The following PTPN13 variants were observed in gnomAD, a reference collection of about 807,000 sequenced individuals.
PTPN13 encodes the protein tyrosine-protein phosphatase non-receptor type 13.
A neutral mutation model predicts 284.0 loss-of-function variants in PTPN13; 191 were observed. That is an observed-to-expected ratio of 0.67 (90% CI 0.60 to 0.76). PTPN13 has a LOEUF of 0.76. Among genes scored for constraint, PTPN13 ranks in the 30% least tolerant of loss-of-function variants. PTPN13 has a pLI of 0.00. For missense variants in PTPN13, 2,797 were observed against 2,939.9 expected (o/e 0.95, Z 1.12); for synonymous variants, 986 against 1,022.3 (o/e 0.96, Z 0.68).
Position 86,732,239 on chromosome 4 carries a change from C to T in PTPN13, c.1609-161C>T, listed in dbSNP as rs1389416072. On this transcript the variant is annotated intron_variant, in intron 10 of 47. Coordinates refer to ENST00000411767, the MANE Select transcript of PTPN13 (RefSeq NM_080683.3). The stretch of plus-strand genomic sequence containing the variant: ...TCTGTTATTGGTAAATTCCAGTATA[C>T]CTCTTCATGAAAGCTTCAACGTTTG... Among the ~76,000 whole-genome samples, 3 of 152,248 alleles carry T rather than the reference C, an allele frequency of 2.0e-5. No individual in the cohort carries two copies. In the East Asian group the frequency reaches 5.8e-4, roughly 29 times the overall value.
At chr4:86,613,132 A>G (rs1332879903) in intron 1 of PTPN13, among the ~76,000 whole-genome samples, 3 of 152,052 alleles carry the variant, frequency 2.0e-5, no homozygotes, top group African/African-American at 7.2e-5. Context: ...ACTTTATAAG[A>G]CTCTTTAAAG....
chr4:86,614,435 T>TA (rs1343995503), intron 1 of PTPN13, among the ~76,000 whole-genome samples: 2 of 152,188 alleles, frequency 1.3e-5, no homozygotes, highest in Non-Finnish European at 2.9e-5. Context: ...ATCTTTTTTT[T>TA]ACTATAAAAA....
intron 3 of PTPN13, among the ~76,000 whole-genome samples, chr4:86,674,187 G>T (rs934947259): frequency 3.9e-5 from 6 of 152,152 alleles, no homozygotes; most frequent in Non-Finnish European, 5.9e-5. Flanking sequence ...CATATATATT[G>T]TGTTTTATAG....
chr4:86,716,603 C>G lies in PTPN13; in HGVS notation c.1269C>G (p.Ser423=). The change falls in exon 8 of 48, where the codon TCC becomes TCG. Residue 423 remains serine, a synonymous_variant. Transcript: ENST00000411767. The part of the protein sequence containing the change: ...STSSESPSII[S]SESDFRQVRR... The stretch of plus-strand genomic sequence containing the variant: ...CCAGTGAAAGTCCATCTATTATTTC[C>G]TCTGAATCAGATTTCAGACAAGGTA... 6.3e-7 allele frequency: 1 copy of G among 1,593,066 alleles called. No individual in the cohort carries two copies. Among genetic ancestry groups the G allele is most frequent in the Non-Finnish European group, 8.6e-7 (1 of 1,169,174 alleles).
chr4:86,751,923 ATG>A lies in PTPN13; in HGVS notation c.3166+820_3166+821del, dbSNP rs3035339. ...ATATTATTTAAGTGAAATTGTATGT[ATG>A]TGTGTGTGTGTGTGTGTGTGCATGC... On this transcript the variant is annotated intron_variant, in intron 19 of 47. Transcript: ENST00000411767. Among the ~76,000 whole-genome samples, 115 of 148,848 alleles carry A rather than the reference ATG, an allele frequency of 7.7e-4. 2 individuals are homozygous for A. Among genetic ancestry groups the A allele is most frequent in the East Asian group, 1.2e-3 (6 of 5,054 alleles).
chr4:86,811,127 T>C lies in PTPN13; in HGVS notation c.7362+19T>C. The C allele has an allele frequency of 6.3e-7, 1 of 1,597,444 alleles. No homozygotes were observed. On this transcript the variant is annotated intron_variant, in intron 47 of 47. Transcript: ENST00000411767. ...GACAGAGGTGAGTCATGGCTGGGCC[T>C]CCTAATGAGAATTTTTGTAAAGATT...
chr4:86,630,115 A>C (rs1043535963), intron 1 of PTPN13, among the ~76,000 whole-genome samples: 1 of 152,116 alleles, frequency 6.6e-6, no homozygotes, highest in African/African-American at 2.4e-5. Context: ...CTATTTATAC[A>C]TGCAGAAAAT....
intron 2 of PTPN13, among the ~76,000 whole-genome samples, chr4:86,667,332 AT>A (rs1727198519): frequency 6.6e-6 from 1 of 152,172 alleles, no homozygotes; most frequent in Non-Finnish European, 1.5e-5. Flanking sequence ...GTAGATATCA[AT>A]TTCAATCATT....
chr4:86,704,468 A>G (rs1259948699), intron 7 of PTPN13, among the ~76,000 whole-genome samples: 2 of 152,198 alleles, frequency 1.3e-5, no homozygotes, highest in Non-Finnish European at 2.9e-5. Context: ...ATATGATTCT[A>G]TTATCTTCTC....
chr4:86,595,675 GGGAGCTGCCT>G, intron 1 of PTPN13: 4 of 862,854 alleles, frequency 4.6e-6, no homozygotes, highest in Non-Finnish European at 5.6e-6. Flanking sequence ...TGACTTCATA[GGGAGCTGCCT>G]GGAGCTGAGC....
intron 1 of PTPN13, among the ~76,000 whole-genome samples, chr4:86,602,452 A>T (rs1256226298): frequency 6.6e-6 from 1 of 151,932 alleles, no homozygotes; most frequent in Non-Finnish European, 1.5e-5. Flanking sequence ...AGCTATTATT[A>T]TTTTTAGTAT....
chr4:86,665,290 C>T (rs1275527183), intron 2 of PTPN13, among the ~76,000 whole-genome samples: 1 of 152,106 alleles, frequency 6.6e-6, no homozygotes, highest in Non-Finnish European at 1.5e-5. Flanking sequence ...TATCTTTTAT[C>T]TCCTATTCAT....
Position 86,745,019 on chromosome 4 carries a change from G to A in PTPN13, c.2541G>A (p.Gln847=). ...NTSDGIKHGF[Q]TDNSKICQYL... ...CAGATGGAATAAAACATGGCTTCCAGACAGACAACAGTAAGATATGCCAGT... is the reference window on the plus strand; with the variant it reads ...CAGATGGAATAAAACATGGCTTCCAAACAGACAACAGTAAGATATGCCAGT... Residue 847 remains glutamine, a synonymous_variant, in exon 17 of 48, where the codon CAG becomes CAA. Coordinates refer to ENST00000411767, the MANE Select transcript of PTPN13 (RefSeq NM_080683.3). 1.2e-6 allele frequency: 2 copies of A among 1,603,750 alleles called. No homozygotes were observed. The highest frequency in any genetic ancestry group is 2.2e-5 in the South Asian group (2 of 88,952).
chr4:86,652,677 T>A (rs1725232284), intron 2 of PTPN13, among the ~76,000 whole-genome samples: 1 of 152,176 alleles, frequency 6.6e-6, no homozygotes, highest in Non-Finnish European at 1.5e-5. Flanking sequence ...CTCTTGCTGC[T>A]TTTAGGATCC....
chr4:86,651,023 C>G (rs1442605625), intron 2 of PTPN13, among the ~76,000 whole-genome samples: 2 of 152,152 alleles, frequency 1.3e-5, no homozygotes, highest in Non-Finnish European at 2.9e-5. Context: ...TTCAGTTTTT[C>G]CCCATTCAGT....
chr4:86,606,273 T>C (rs1017349864), intron 1 of PTPN13, among the ~76,000 whole-genome samples: 5 of 151,924 alleles, frequency 3.3e-5, no homozygotes, highest in Admixed American at 3.3e-4. Context: ...TAATCTGGGA[T>C]TGGGGCTGTA....
intron 20 of PTPN13, among the ~76,000 whole-genome samples, chr4:86,755,371 C>T (rs149005751): frequency 6.8e-6 from 1 of 146,756 alleles, no homozygotes; most frequent in Non-Finnish European, 1.5e-5. Flanking sequence ...AAAAAAAAAA[C>T]ACTGGTTATT....
At chr4:86,753,677 T>TTTCA (rs1478480154) in intron 20 of PTPN13, among the ~76,000 whole-genome samples, 2 of 152,088 alleles carry the variant, frequency 1.3e-5, no homozygotes, top group African/African-American at 2.4e-5. Flanking sequence ...GTCCAGTGAC[T>TTTCA]TGAACATCAC....
chr4:86,765,114 C>T (rs1739146553), intron 25 of PTPN13, among the ~76,000 whole-genome samples: 1 of 152,068 alleles, frequency 6.6e-6, no homozygotes, highest in African/African-American at 2.4e-5. Context: ...ATATGTAATA[C>T]CTTGTAAACA....
Sources: allele counts gnomAD v4.1 joint callset (sites outside exome capture counted in the v4.1 genomes callset), GRCh38; gene constraint gnomAD v4.1.1; transcripts MANE v1.5; gene names NCBI Gene and HGNC (gene_info 2026-07-23, HGNC 2026-07-21).